ZNF335: variants seen among roughly 807,000 people sequenced by gnomAD.
The protein encoded by ZNF335 is zinc finger protein 335, also known as NRC-interacting factor 1.
Under a neutral mutation model 145.6 loss-of-function variants are expected in ZNF335, and 84 were observed. That is an observed-to-expected ratio of 0.58 (90% CI 0.48 to 0.69). ZNF335 has a LOEUF of 0.69. Among genes scored for constraint, ZNF335 ranks in the 30% least tolerant of loss-of-function variants. The pLI, the probability that ZNF335 is intolerant of heterozygous loss-of-function variation, is 0.00. For synonymous variants in ZNF335, 761 were observed against 717.0 expected (o/e 1.06, Z -0.98); for missense variants, 1,865 against 1,809.7 (o/e 1.03, Z -0.55).
Position 45,959,184 on chromosome 20 carries a change from CCATGCCCCGACCTTA to C in ZNF335, c.2253+2_2253+16del. ...AGCGGCCTCACTCTGTCATCCTGAC[CCATGCCCCGACCTTA>C]CCTCAGGAGGTCCTGGGGAACTGGG... On this transcript the variant is annotated splice_donor_variant and splice_donor_5th_base_variant and intron_variant, in intron 15 of 27. Transcript: ENST00000322927. LOFTEE classifies it high-confidence loss of function. The C allele has an allele frequency of 1.5e-6, 2 of 1,355,080 alleles. No individual in the cohort carries two copies. Among genetic ancestry groups the C allele is most frequent in the Non-Finnish European group, 1.9e-6 (2 of 1,041,080 alleles). 83.9% of individuals were successfully genotyped at this position (1,355,080 alleles called of 1,614,324 possible).
chr20:45,963,889 C>A lies in ZNF335; in HGVS notation c.1204G>T (p.Ala402Ser). 6.2e-7 allele frequency: 1 copy of A among 1,602,468 alleles called. No homozygotes were observed. Among genetic ancestry groups the A allele is most frequent in the East Asian group, 2.2e-5 (1 of 44,748 alleles). Reference protein sequence around the residue: ...PSSSGPGHLVAMGKVSRTPVE... With the variant: ...PSSSGPGHLVSMGKVSRTPVE... ...GGGGTCCTGCTCACCTTGCCCATGG[C>A]CACCAGGTGTCCTGGGCCTGAGGAG... is the stretch of plus-strand genomic sequence containing the variant. Residue 402 changes from alanine (A) to serine (S), a missense_variant, in exon 8 of 28, where the codon GCC becomes TCC. Coordinates refer to ENST00000322927, the MANE Select transcript of ZNF335 (RefSeq NM_022095.4).
At chr20:45,949,620 C>T (rs1211957447) in intron 24 of ZNF335, 52 bp from the exon 25 acceptor site, 1 of 1,549,184 alleles carries the variant, frequency 6.5e-7, no homozygotes, top group Non-Finnish European at 8.8e-7. Flanking sequence ...GCCCCACTCG[C>T]CAGGAGCTTA....
rs778080795 is a variant in ZNF335 at position 45,967,813 on chromosome 20, G to T, written c.735C>A (p.Phe245Leu). ...TCCGGTACTGGCACATCTTGCATTT[G>T]AACTGCTGCACCACCACCACCTCCA... ...AMMEVVVVQQ[F>L]KCKMCQYRSS... Residue 245 changes from phenylalanine to leucine, a missense_variant, in exon 5 of 28, where the codon TTC becomes TTA. Physicochemically the swap from Phe to Leu is conservative, Grantham distance 22. Coordinates refer to ENST00000322927, the MANE Select transcript of ZNF335 (RefSeq NM_022095.4). 7 of 1,613,534 alleles carry T rather than the reference G, an allele frequency of 4.3e-6. No individual in the cohort carries two copies. Among genetic ancestry groups the T allele is most frequent in the Non-Finnish European group, 5.9e-6 (7 of 1,180,030 alleles).
chr20:45,960,369 C>G lies in ZNF335; in HGVS notation c.1860-1G>C. ...AAACTCACAGAACTCACACTTGAAC[C>G]TGGAGGCGGTTAGAGGGAGGGAAGC... On this transcript the variant is annotated splice_acceptor_variant, in intron 13 of 27. Transcript: ENST00000322927. LOFTEE classifies it high-confidence loss of function. 1 of 1,614,184 alleles carries G rather than the reference C, an allele frequency of 6.2e-7. No homozygotes were observed. Among genetic ancestry groups the G allele is most frequent in the East Asian group, 2.2e-5 (1 of 44,878 alleles).
rs114670028 is a variant in ZNF335, at chr20:45,967,361, C to T, written c.955+133G>A. ...AAGTCCTGGTCCCAGAGCACAACCT[C>T]CTCTGTCTTATACTGGAGGGACCTG... On this transcript the variant is annotated intron_variant, in intron 6 of 27. Coordinates refer to ENST00000322927, the MANE Select transcript of ZNF335 (RefSeq NM_022095.4). The T allele has an allele frequency of 6.9e-4, 965 of 1,407,012 alleles. 7 individuals are homozygous for T. In the African/African-American group the frequency reaches 0.012, roughly 18 times the overall value. The allele number at this position is 1,407,012 out of a possible 1,614,324, so 87.2% of individuals were successfully genotyped here.
In ZNF335 at chr20:45,952,714, G is replaced by C; in HGVS notation, c.2703-5C>G. 6.2e-7 allele frequency: 1 copy of C among 1,613,256 alleles called. No individual in the cohort carries two copies. The highest frequency in any genetic ancestry group is 8.5e-7 in the Non-Finnish European group (1 of 1,179,760). ...GCCTCTCCTGCGGGCTCCTCGCTGT[G>C]GGCATGGAGAAGGTTCTAGGAGAAG... On this transcript the variant is annotated splice_polypyrimidine_tract_variant and splice_region_variant and intron_variant, in intron 18 of 27. Transcript: ENST00000322927.
rs1191013997 is a variant in ZNF335, at chr20:45,949,853, T to C, written c.3616A>G (p.Ile1206Val). The C allele has an allele frequency of 6.2e-6, 10 of 1,613,916 alleles. No individual in the cohort carries two copies. The highest frequency in any genetic ancestry group is 7.6e-6 in the Non-Finnish European group (9 of 1,180,000). The change falls in exon 24 of 28, where the codon ATC becomes GTC. Residue 1206 changes from isoleucine (I) to valine (V), a missense_variant. Coordinates refer to ENST00000322927, the MANE Select transcript of ZNF335 (RefSeq NM_022095.4). ...NQEEAAYIQE[I>V]TTADGQTVQH... ...ACGGTCTGGCCATCTGCCGTGGTGA[T>C]CTCTTGGATGTAGGCGGCTTCCTCC...
Position 45,960,279 on chromosome 20 carries a change from T to C in ZNF335, c.1949A>G (p.Lys650Arg), listed in dbSNP as rs767259841. ...QLSHVSDKPFKCSFCPYRTFR... is the reference protein window; with the variant it reads ...QLSHVSDKPFRCSFCPYRTFR... ...GGTGCGGTAGGGACAAAAGCTGCAT[T>C]TGAAGGGCTTGTCACTGACGTGGGA... Residue 650 changes from lysine to arginine, a missense_variant, in exon 14 of 28, where the codon AAA (lysine) becomes AGA (arginine). Coordinates refer to ENST00000322927, the MANE Select transcript of ZNF335 (RefSeq NM_022095.4). 1.2e-6 allele frequency: 2 copies of C among 1,614,146 alleles called. No individual in the cohort carries two copies. The highest frequency in any genetic ancestry group is 1.7e-6 in the Non-Finnish European group (2 of 1,180,020).
Position 45,953,771 on chromosome 20 carries a change from C to G in ZNF335, c.2620G>C (p.Gly874Arg), listed in dbSNP as rs1466291165. ...CTGTAGCCAGTCCCACCAAATGGACCAGGTGCCAGGGTGATCTGCGGTAGG... is the reference window on the plus strand; with the variant it reads ...CTGTAGCCAGTCCCACCAAATGGACGAGGTGCCAGGGTGATCTGCGGTAGG... ...PDLPQITLAPGPFGGTGYSVI... is the reference protein window; with the variant it reads ...PDLPQITLAPRPFGGTGYSVI... Residue 874 changes from glycine (G) to arginine (R), a missense_variant, in exon 18 of 28, where the codon GGT becomes CGT. By Grantham distance (125) the Gly-to-Arg change is moderately radical. Coordinates refer to ENST00000322927, the MANE Select transcript of ZNF335 (RefSeq NM_022095.4). 5 of 1,614,186 alleles carry G rather than the reference C, an allele frequency of 3.1e-6. No homozygotes were observed. Among genetic ancestry groups the G allele is most frequent in the Non-Finnish European group, 1.7e-6 (2 of 1,180,042 alleles).
Position 45,948,835 on chromosome 20 carries a change from A to G in ZNF335, c.*118T>C, listed in dbSNP as rs1287454785. On this transcript the variant is annotated 3_prime_UTR_variant, in exon 28 of 28. Transcript: ENST00000322927. ...ACAGGTCTGGCTCCCTGGGAATGAGAGGATGCTGGCTATCCAGTATCTGGA... is the reference window on the plus strand; with the variant it reads ...ACAGGTCTGGCTCCCTGGGAATGAGGGGATGCTGGCTATCCAGTATCTGGA... 1.3e-6 allele frequency: 2 copies of G among 1,503,892 alleles called. No individual in the cohort carries two copies. Among genetic ancestry groups the G allele is most frequent in the Non-Finnish European group, 9.1e-7 (1 of 1,101,544 alleles). The allele number at this position is 1,503,892 out of a possible 1,614,324, so 93.2% of individuals were successfully genotyped here. A position where few individuals can be genotyped will look rare whatever the true frequency, so the allele number is the denominator to read the frequency against.
In ZNF335 at chr20:45,952,174, G is replaced by A; in HGVS notation, c.3162C>T (p.Phe1054=). 1.9e-6 allele frequency: 3 copies of A among 1,608,686 alleles called. No individual in the cohort carries two copies. Among genetic ancestry groups the A allele is most frequent in the Non-Finnish European group, 2.5e-6 (3 of 1,176,942 alleles). Residue 1054 remains phenylalanine, a synonymous_variant, in exon 20 of 28, where the codon TTC becomes TTT. Transcript: ENST00000322927. ...PGAFKCPDCP[F]SARQWPEVRA... ...GGACCTCGGGCCACTGGCGGGCACT[G>A]AAGGGGCAGTCGGGGCACTTGAAGG...
At chr20:45,951,467 A>C (rs913854908) in intron 20 of ZNF335, among the ~76,000 whole-genome samples, 17 of 152,178 alleles carry the variant, frequency 1.1e-4, no homozygotes, top group Non-Finnish European at 2.2e-4. Context: ...CCTTTTTGGC[A>C]CCAGGGACTG....
In ZNF335 at chr20:45,966,543, TTTTC is replaced by T. The variant is rs1448575878; in HGVS notation, c.956-773_956-770del. 1.6e-3 allele frequency among the ~76,000 whole-genome samples: 242 copies of T among 146,950 alleles called. 2 individuals carry two copies. The highest frequency in any genetic ancestry group is 5.8e-3 in the African/African-American group (225 of 38,534). ...GGCAACTCAGCAAGACTCTGTTTCT[TTTTC>T]TTTCTTTTTTTTTTTTTTTCTGAGA... On this transcript the variant is annotated intron_variant, in intron 6 of 27. Transcript: ENST00000322927.
At position 45,959,427 on chromosome 20, in the gene ZNF335, T is replaced by C. The variant is rs1412474808; in HGVS notation, c.2027A>G (p.Lys676Arg). ...GTGGCAGTACTCACAGGCGAAGGGC[T>C]TGGCCCCTGGAGGCACATGTTGGGG... ...SHVAVKHTGA[K>R]PFACEYCHFS... Residue 676 changes from lysine to arginine, a missense_variant, in exon 15 of 28, where the codon AAG becomes AGG. Physicochemically the swap from Lys to Arg is conservative, Grantham distance 26. Coordinates refer to ENST00000322927, the MANE Select transcript of ZNF335 (RefSeq NM_022095.4). 2 of 1,454,050 alleles carry C rather than the reference T, an allele frequency of 1.4e-6. No individual in the cohort carries two copies. The highest frequency in any genetic ancestry group is 1.4e-5 in the African/African-American group (1 of 69,352). 90.1% of individuals were successfully genotyped at this position (1,454,050 alleles called of 1,614,324 possible). A position where few individuals can be genotyped will look rare whatever the true frequency, so the allele number is the denominator to read the frequency against.
At chr20:45,954,092 G>C (rs1204399323) in intron 17 of ZNF335, 144 bp from the exon 18 acceptor site, 13 of 1,054,552 alleles carry the variant, frequency 1.2e-5, no homozygotes, top group Admixed American at 2.8e-5. Context: ...AATAGCCCAA[G>C]TTCTTTCTAA....
Position 45,952,497 on chromosome 20 carries a change from A to G in ZNF335, c.2839T>C (p.Phe947Leu), listed in dbSNP as rs1321066885. The change falls in exon 20 of 28, where the codon TTC (phenylalanine) becomes CTC (leucine). Residue 947 changes from phenylalanine to leucine, a missense_variant. Physicochemically the swap from Phe to Leu is conservative, Grantham distance 22. Coordinates refer to ENST00000322927, the MANE Select transcript of ZNF335 (RefSeq NM_022095.4). The part of the protein sequence containing the change: ...IELTADGSIS[F>L]PSPDALASGA... ...GAGGCCAGAGCATCTGGACTTGGGA[A>G]GGAGATGGAGCCATCTGCGGTGAGC... The G allele has an allele frequency of 6.4e-7, 1 of 1,569,380 alleles. No individual in the cohort carries two copies. The highest frequency in any genetic ancestry group is 2.3e-5 in the East Asian group (1 of 44,380).
rs1031981112 is a variant in ZNF335 at position 45,965,738 on chromosome 20, C to T, written c.992G>A (p.Arg331Gln). Residue 331 changes from arginine (R) to glutamine (Q), a missense_variant, in exon 7 of 28, where the codon CGA becomes CAA. Transcript: ENST00000322927. ...SDYNPAEDEPRGRQLRLQRPT... is the reference protein window; with the variant it reads ...SDYNPAEDEPQGRQLRLQRPT... ...GCGCTGGAGCCGAAGCTGCCGGCCTCGGGGCTCATCCTCAGCTGGATTATA... is the reference window on the plus strand; with the variant it reads ...GCGCTGGAGCCGAAGCTGCCGGCCTTGGGGCTCATCCTCAGCTGGATTATA... 7 of 1,605,568 alleles carry T rather than the reference C, an allele frequency of 4.4e-6. No individual in the cohort carries two copies. Among genetic ancestry groups the T allele is most frequent in the Non-Finnish European group, 6.0e-6 (7 of 1,176,280 alleles).
At chr20:45,954,066 T>C (rs1169639730) in intron 17 of ZNF335, 118 bp from the exon 18 acceptor site, 1 of 1,252,058 alleles carries the variant, frequency 8.0e-7, no homozygotes. Context: ...AGACCAGTGC[T>C]GCCACCACTC....
In ZNF335 at chr20:45,951,450, T is replaced by C. The variant is rs538466086; in HGVS notation, c.3189+697A>G. Among the ~76,000 whole-genome samples, 16 of 152,360 alleles carry C rather than the reference T, an allele frequency of 1.1e-4. No individual in the cohort carries two copies. In the South Asian group the frequency reaches 3.3e-3, roughly 32 times the overall value. On this transcript the variant is annotated intron_variant, in intron 20 of 27. Coordinates refer to ENST00000322927, the MANE Select transcript of ZNF335 (RefSeq NM_022095.4). ...TGCCCTCAGTATTCTAGACCAGTGGTCCCCACCCTTTTTGGCACCAGGGAC... is the reference window on the plus strand; with the variant it reads ...TGCCCTCAGTATTCTAGACCAGTGGCCCCCACCCTTTTTGGCACCAGGGAC...
Sources: gnomAD v4.1 joint callset for allele counts (sites outside exome capture counted in the v4.1 genomes callset) on GRCh38, gnomAD v4.1.1 for gene constraint, MANE v1.5 for transcripts, NCBI Gene and HGNC (gene_info 2026-07-23, HGNC 2026-07-21) for gene names.